C3orf20: variants seen among roughly 807,000 people sequenced by gnomAD.
C3orf20 encodes uncharacterized protein C3orf20.
In C3orf20, 76 loss-of-function variants were observed where a neutral mutation model predicts 88.3. That is an observed-to-expected ratio of 0.86 (90% CI 0.72 to 1.04). The LOEUF (loss-of-function observed/expected upper bound fraction) is 1.04, where lower values mean the gene tolerates loss of function less well. C3orf20 is among the 50% of genes least tolerant of loss of function. C3orf20 has a pLI of 0.00. For synonymous variants in C3orf20, 436 were observed against 437.4 expected (o/e 1.00, Z 0.04); for missense variants, 1,056 against 1,123.3 (o/e 0.94, Z 0.86).
At chr3:14,689,560 G>A (rs1471411896) in intron 4 of C3orf20, among the ~76,000 whole-genome samples, 1 of 152,196 alleles carries the variant, frequency 6.6e-6, no homozygotes, top group Non-Finnish European at 1.5e-5. Flanking sequence ...AAAAGATGGT[G>A]TGATTCTGCA....
intron 8 of C3orf20, among the ~76,000 whole-genome samples, 189 bp from the exon 9 acceptor site, chr3:14,715,099 CT>C (rs2033890517): frequency 6.6e-6 from 1 of 152,200 alleles, no homozygotes; most frequent in South Asian, 2.1e-4. Context: ...GAATAGGCTC[CT>C]CCGGTAGCAT....
At position 14,703,026 on chromosome 3, in the gene C3orf20, A is replaced by G; in HGVS notation, c.746-104A>G. The G allele has an allele frequency of 5.1e-6, 7 of 1,361,280 alleles. No homozygotes were observed. The East Asian group carries it at 9.3e-5, about 18-fold the overall frequency. 84.3% of individuals were successfully genotyped at this position (1,361,280 alleles called of 1,614,324 possible). ...GCGGGACAAATTTTAAAGCTCCAAA[A>G]TGATCTCCTTTGACTCCAGGTCTCA... On this transcript the variant is annotated intron_variant, in intron 5 of 16. Transcript: ENST00000253697.
intron 12 of C3orf20, among the ~76,000 whole-genome samples, chr3:14,742,766 G>C (rs1043978103): frequency 5.3e-5 from 8 of 152,164 alleles, no homozygotes; most frequent in African/African-American, 1.9e-4. Flanking sequence ...ATCATGGTGG[G>C]AGGCTAAAGG....
intron 7 of C3orf20, among the ~76,000 whole-genome samples, chr3:14,707,267 AG>A (rs1325967559): frequency 1.3e-5 from 2 of 151,178 alleles, no homozygotes; most frequent in African/African-American, 4.9e-5. Flanking sequence ...AAAAAAAAAA[AG>A]ATACGTCTGC....
At chr3:14,731,192 A>G (rs1044946737) in intron 12 of C3orf20, among the ~76,000 whole-genome samples, 6 of 152,132 alleles carry the variant, frequency 3.9e-5, no homozygotes, top group African/African-American at 1.4e-4. Flanking sequence ...TTCTTTGTAG[A>G]TATAGTTTTG....
At chr3:14,741,601 A>G (rs1408953466) in intron 12 of C3orf20, among the ~76,000 whole-genome samples, 2 of 152,226 alleles carry the variant, frequency 1.3e-5, no homozygotes. Context: ...GTCAGAAGTG[A>G]AACACCTGTG....
chr3:14,715,103 G>A (rs1480223157), intron 8 of C3orf20, among the ~76,000 whole-genome samples, 186 bp from the exon 9 acceptor site: 1 of 152,154 alleles, frequency 6.6e-6, no homozygotes, highest in African/African-American at 2.4e-5. Context: ...AGGCTCCTCC[G>A]GTAGCATCAG....
chr3:14,703,210 A>G lies in C3orf20; in HGVS notation c.826A>G (p.Ser276Gly). 2 of 1,614,190 alleles carry G rather than the reference A, an allele frequency of 1.2e-6. No individual in the cohort carries two copies. Among genetic ancestry groups the G allele is most frequent in the Non-Finnish European group, 1.7e-6 (2 of 1,180,034 alleles). The change falls in exon 6 of 17, where the codon AGC becomes GGC. Residue 276 changes from serine to glycine, a missense_variant. Ser to Gly is a moderately conservative substitution (Grantham distance 56). Coordinates refer to ENST00000253697, the MANE Select transcript of C3orf20 (RefSeq NM_032137.5). ...VGTPANSLEF[S>G]DPCPEAREKL... ...AACCCCTGCCAACAGCCTGGAGTTC[A>G]GCGACCCCTGCCCTGAGGCCCGGGA...
intron 12 of C3orf20, among the ~76,000 whole-genome samples, chr3:14,731,252 G>A (rs891554940): frequency 6.6e-6 from 1 of 151,988 alleles, no homozygotes; most frequent in African/African-American, 2.4e-5. Flanking sequence ...ACAGCCTTTC[G>A]AATCTATCTT....
intron 11 of C3orf20, among the ~76,000 whole-genome samples, chr3:14,728,188 T>G (rs2034419983): frequency 6.6e-6 from 1 of 152,174 alleles, no homozygotes; most frequent in Non-Finnish European, 1.5e-5. Context: ...AGGCCCTAGG[T>G]GTCTTGAAGA....
Position 14,683,111 on chromosome 3 carries a change from C to G in C3orf20, c.398C>G (p.Thr133Ser). 6.2e-7 allele frequency: 1 copy of G among 1,614,156 alleles called. No homozygotes were observed. Among genetic ancestry groups the G allele is most frequent in the African/African-American group, 1.3e-5 (1 of 75,064 alleles). The change falls in exon 3 of 17, where the codon ACC becomes AGC. Residue 133 changes from threonine to serine, a missense_variant. Thr to Ser is a moderately conservative substitution (Grantham distance 58). Transcript: ENST00000253697. ...MARQVRTHQE[T>S]LNRFQQQSIH... Reference sequence around the variant, plus strand: ...CGTCAGGTGCGCACCCACCAGGAGACCCTGAACAGGTTTCAGCAGCAGTCC... The same window carrying G: ...CGTCAGGTGCGCACCCACCAGGAGAGCCTGAACAGGTTTCAGCAGCAGTCC...
chr3:14,686,193 C>CGTGTGTGTGTGTGT (rs58844982), intron 4 of C3orf20, among the ~76,000 whole-genome samples: 21,847 of 149,380 alleles, frequency 0.15, 1,642 homozygotes, highest in African/African-American at 0.16. Context: ...GAATCATATT[C>CGTGTGTGTGTGTGT]GTGTGTGTGT....
chr3:14,681,462 G>A (rs1033987215), intron 1 of C3orf20, among the ~76,000 whole-genome samples: 1 of 152,240 alleles, frequency 6.6e-6, no homozygotes, highest in African/African-American at 2.4e-5. Flanking sequence ...TGGGCCAGCA[G>A]CCCTTCCTGG....
intron 14 of C3orf20, among the ~76,000 whole-genome samples, chr3:14,760,703 G>T (rs931500046): frequency 6.9e-6 from 1 of 144,910 alleles, no homozygotes; most frequent in Non-Finnish European, 1.5e-5. Flanking sequence ...TCTGCCTCCC[G>T]GATTCAAGTG....
At chr3:14,706,826 C>G (rs2033521925) in intron 7 of C3orf20, among the ~76,000 whole-genome samples, 1 of 152,066 alleles carries the variant, frequency 6.6e-6, no homozygotes. Flanking sequence ...ACATGTGCAG[C>G]TATTTGATCC....
rs2035406594 is a variant in C3orf20, at chr3:14,757,404, G to C, written c.1974G>C (p.Arg658Ser). ...CCCGCGAGGGGCGCAGCCCCACCAG[G>C]TGGGCGGCCTTGCCCTCAGACTGCC... Reference protein sequence around the residue: ...GKAREGRSPTRWAALPSDCPL... With the variant: ...GKAREGRSPTSWAALPSDCPL... Residue 658 changes from arginine (R) to serine (S), a missense_variant, in exon 13 of 17, where the codon AGG becomes AGC. Transcript: ENST00000253697. 1 of 1,611,776 alleles carries C rather than the reference G, an allele frequency of 6.2e-7. No individual in the cohort carries two copies. Among genetic ancestry groups the C allele is most frequent in the African/African-American group, 1.3e-5 (1 of 74,888 alleles).
chr3:14,749,208 TG>T (rs935029698), intron 12 of C3orf20, among the ~76,000 whole-genome samples: 9 of 152,372 alleles, frequency 5.9e-5, no homozygotes, highest in African/African-American at 2.2e-4. Flanking sequence ...TGTCCTCATT[TG>T]TCTCCCATAA....
intron 15 of C3orf20, among the ~76,000 whole-genome samples, chr3:14,770,606 C>G (rs913143907): frequency 6.6e-6 from 1 of 152,178 alleles, no homozygotes; most frequent in African/African-American, 2.4e-5. Context: ...CCAGAGCTAC[C>G]TCAAGCCCCC....
At chr3:14,677,425 C>T (rs2031830386) in intron 1 of C3orf20, among the ~76,000 whole-genome samples, 1 of 152,214 alleles carries the variant, frequency 6.6e-6, no homozygotes, top group Non-Finnish European at 1.5e-5. Context: ...CATCATGTAC[C>T]CCTGGCAGTT....
Sources: allele counts gnomAD v4.1 joint callset (sites outside exome capture counted in the v4.1 genomes callset), GRCh38; gene constraint gnomAD v4.1.1; transcripts MANE v1.5; gene names NCBI Gene and HGNC (gene_info 2026-07-23, HGNC 2026-07-21).